Variants in DAB1 observed in about 807,000 individuals in gnomAD.
DAB1 encodes disabled homolog 1.
DAB1 carries 15 observed loss-of-function variants against 64.6 expected under a neutral mutation model. The ratio of observed to expected loss-of-function variants is 0.23; its 90% confidence interval spans 0.16 to 0.36. DAB1 has a LOEUF of 0.36. DAB1 is among the 10% of genes least tolerant of loss of function. DAB1 has a pLI of 1.00. For missense variants in DAB1, 596 were observed against 706.7 expected (o/e 0.84, Z 1.78); for synonymous variants, 235 against 251.9 (o/e 0.93, Z 0.64).
chr1:57,525,766 A>T (rs1304803235), intron 7 of DAB1, among the ~76,000 whole-genome samples: 1 of 152,168 alleles, frequency 6.6e-6, no homozygotes, highest in Non-Finnish European at 1.5e-5. Flanking sequence ...AAAAATATAC[A>T]CCAGAAAGAA....
intron 3 of DAB1, among the ~76,000 whole-genome samples, chr1:58,465,443 GACA>G (rs1302989529): frequency 2.6e-5 from 4 of 152,216 alleles, no homozygotes; most frequent in Non-Finnish European, 5.9e-5. Flanking sequence ...TGCAAGAAAT[GACA>G]ACAACAACGA....
chr1:57,687,245 C>T (rs1646708635), intron 6 of DAB1, among the ~76,000 whole-genome samples: 1 of 151,960 alleles, frequency 6.6e-6, no homozygotes. Context: ...TTCTATACAC[C>T]AGTAACATTC....
intron 3 of DAB1, among the ~76,000 whole-genome samples, chr1:58,439,477 C>G (rs1273742768): frequency 2.6e-5 from 4 of 152,154 alleles, no homozygotes; most frequent in Non-Finnish European, 5.9e-5. Context: ...AGATTCTGAG[C>G]TTTTTGAGAA....
intron 5 of DAB1, among the ~76,000 whole-genome samples, chr1:58,085,209 C>G: frequency 6.6e-6 from 1 of 152,204 alleles, no homozygotes; most frequent in African/African-American, 2.4e-5. Context: ...ATACCCAATG[C>G]CCTTGTGGGA....
intron 4 of DAB1, among the ~76,000 whole-genome samples, chr1:58,199,801 A>G (rs953339533): frequency 1.3e-5 from 2 of 152,184 alleles, no homozygotes; most frequent in Non-Finnish European, 2.9e-5. Flanking sequence ...ACACCACCAA[A>G]TATTATTTCT....
intron 5 of DAB1, among the ~76,000 whole-genome samples, chr1:57,937,490 G>A (rs1228653655): frequency 1.3e-5 from 2 of 152,064 alleles, no homozygotes; most frequent in African/African-American, 4.8e-5. Flanking sequence ...AGTGGCCACT[G>A]GGAACACAGC....
intron 5 of DAB1, among the ~76,000 whole-genome samples, chr1:57,904,957 G>T (rs1040651410): frequency 6.6e-6 from 1 of 152,066 alleles, no homozygotes. Flanking sequence ...TATTCCAACT[G>T]CTCCATGAAA....
At chr1:57,707,157 C>T (rs761091669) in intron 6 of DAB1, among the ~76,000 whole-genome samples, 1 of 152,056 alleles carries the variant, frequency 6.6e-6, no homozygotes, top group Non-Finnish European at 1.5e-5. Context: ...GCCCTCCTAC[C>T]CCCAACTCTA....
intron 1 of DAB1, among the ~76,000 whole-genome samples, chr1:57,844,427 G>C (rs1653187691): frequency 6.6e-6 from 1 of 152,150 alleles, no homozygotes; most frequent in Non-Finnish European, 1.5e-5. Flanking sequence ...CAAGGCATTT[G>C]GCAGGGGCTG....
At chr1:58,536,217 G>A (rs1646514666) in intron 1 of DAB1, among the ~76,000 whole-genome samples, 1 of 152,040 alleles carries the variant, frequency 6.6e-6, no homozygotes, top group African/African-American at 2.4e-5. Flanking sequence ...ACCTCCTAGG[G>A]CCTGATCCAG....
intron 5 of DAB1, among the ~76,000 whole-genome samples, chr1:58,064,947 T>C (rs2764679): frequency 0.48 from 73,221 of 151,832 alleles, 19,449 homozygotes; most frequent in Non-Finnish European, 0.59. Context: ...CCTGACCTCG[T>C]GATCCGCCCA....
intron 5 of DAB1, among the ~76,000 whole-genome samples, chr1:57,956,028 G>A (rs1645384772): frequency 6.6e-6 from 1 of 152,130 alleles, no homozygotes; most frequent in Non-Finnish European, 1.5e-5. Flanking sequence ...TTCCTAGTGA[G>A]AGATAGACTT....
chr1:58,172,354 T>C (rs1245728505), intron 4 of DAB1, among the ~76,000 whole-genome samples: 3 of 152,180 alleles, frequency 2.0e-5, no homozygotes, highest in African/African-American at 4.8e-5. Flanking sequence ...CGGGTAGTTG[T>C]GGTGGTGGCC....
chr1:57,435,911 TC>T (rs1160526526), intron 7 of DAB1, among the ~76,000 whole-genome samples: 4 of 150,634 alleles, frequency 2.7e-5, no homozygotes, highest in East Asian at 1.9e-4. Context: ...ACTTTTTTTT[TC>T]TTTCTTTTTT....
intron 5 of DAB1, chr1:58,049,175 C>T (rs139148971): frequency 1.0e-5 from 8 of 774,832 alleles, no homozygotes; most frequent in Admixed American, 1.7e-5. Context: ...AGTCCGTGAG[C>T]GTTCCCTATT....
chr1:58,434,432 T>C (rs1375979775), intron 3 of DAB1, among the ~76,000 whole-genome samples: 1 of 149,548 alleles, frequency 6.7e-6, no homozygotes, highest in African/African-American at 2.5e-5. Context: ...AAAAGGATGA[T>C]TTCATGTCAG....
At chr1:57,307,044 C>T (rs944430698) in intron 1 of DAB1, 1 of 152,186 alleles carries the variant, frequency 6.6e-6, no homozygotes, top group Non-Finnish European at 1.5e-5. Context: ...AGACAACAAA[C>T]CTTGTCAGAA....
intron 6 of DAB1, among the ~76,000 whole-genome samples, chr1:57,763,382 T>C (rs905765240): frequency 6.6e-6 from 1 of 152,100 alleles, no homozygotes; most frequent in African/African-American, 2.4e-5. Flanking sequence ...AAGTATATTT[T>C]AAATATCTGT....
At chr1:57,641,702 T>C (rs936882886) in intron 7 of DAB1, among the ~76,000 whole-genome samples, 2 of 152,210 alleles carry the variant, frequency 1.3e-5, no homozygotes, top group African/African-American at 4.8e-5. Context: ...CTCTGAATAA[T>C]ATTTGTGTCA....
Sources: gnomAD v4.1 joint callset for allele counts (sites outside exome capture counted in the v4.1 genomes callset) on GRCh38, gnomAD v4.1.1 for gene constraint, MANE v1.5 for transcripts, NCBI Gene and HGNC (gene_info 2026-07-23, HGNC 2026-07-21) for gene names.